The following FAT3 variants were observed in gnomAD, a reference collection of about 807,000 sequenced individuals.
FAT3 encodes protocadherin Fat 3.
In FAT3, 95 loss-of-function variants were observed where a neutral mutation model predicts 310.2. The observed-to-expected ratio is 0.31, with a 90% confidence interval of 0.26 to 0.36. The LOEUF is 0.36. Among genes scored for constraint, FAT3 ranks in the 10% least tolerant of loss-of-function variants. The pLI is 1.00. For synonymous variants in FAT3, 2,314 were observed against 2,192.9 expected, an observed-to-expected ratio of 1.06 and a Z score of -1.54; for missense variants, 5,408 against 5,715.6, an observed-to-expected ratio of 0.95 and a Z score of 1.74.
At chr11:92,304,688 C>G (rs888622787) in intron 1 of FAT3, among the ~76,000 whole-genome samples, 2 of 152,044 alleles carry the variant, frequency 1.3e-5, no homozygotes, top group Non-Finnish European at 2.9e-5. Context: ...GTTAAGAGGA[C>G]AACTTACACC....
intron 2 of FAT3, among the ~76,000 whole-genome samples, chr11:92,407,445 G>A (rs1468300378): frequency 6.6e-6 from 1 of 151,998 alleles, no homozygotes; most frequent in Admixed American, 6.6e-5. Flanking sequence ...TTTGTTGAGG[G>A]GTAACATGAA....
chr11:92,442,079 TTTTATATATA>T lies in FAT3; in HGVS notation c.3293-82553_3293-82544del, dbSNP rs1446649572. 8.5e-4 allele frequency among the ~76,000 whole-genome samples: 57 copies of T among 67,212 alleles called. 3 individuals are homozygous for T. Among genetic ancestry groups the T allele is most frequent in the African/African-American group, 3.7e-3 (52 of 14,236 alleles). The allele number at this position is 67,212 out of a possible 152,430, so 44.1% of individuals were successfully genotyped here. A position where few individuals can be genotyped will look rare whatever the true frequency, so the allele number is the denominator to read the frequency against. On this transcript the variant is annotated intron_variant, in intron 2 of 27. Transcript: ENST00000525166. ...AAGTGCAAAACTTAAGAAATATATA[TTTTATATATA>T]TATATATATATATATATATATATTT...
At chr11:92,445,204 A>G (rs1336874379) in intron 2 of FAT3, among the ~76,000 whole-genome samples, 1 of 152,208 alleles carries the variant, frequency 6.6e-6, no homozygotes, top group Admixed American at 6.5e-5. Flanking sequence ...ATGGCAGCCT[A>G]AGCAAACTAA....
At chr11:92,449,567 G>C (rs548866488) in intron 2 of FAT3, among the ~76,000 whole-genome samples, 2 of 152,280 alleles carry the variant, frequency 1.3e-5, no homozygotes, top group East Asian at 3.9e-4. Flanking sequence ...GGCCAGGAGT[G>C]CATTTAGGGA....
In FAT3 at chr11:92,353,921, C is replaced by G. The variant is rs199950146; in HGVS notation, c.1809C>G (p.Ile603Met). Residue 603 changes from isoleucine (I) to methionine (M), a missense_variant, in exon 2 of 28, where the codon ATC (isoleucine) becomes ATG (methionine). By Grantham distance (10) the Ile-to-Met change is conservative. Coordinates refer to ENST00000525166, the MANE Select transcript of FAT3 (RefSeq NM_001367949.2). Reference protein sequence around the residue: ...VGGHITAVSAIDIDELELVKY... With the variant: ...VGGHITAVSAMDIDELELVKY... ...GTCACATCACAGCAGTCTCAGCGAT[C>G]GATATCGATGAACTTGAACTTGTAA... 5.5e-4 allele frequency: 892 copies of G among 1,611,792 alleles called. No homozygotes were observed. Among genetic ancestry groups the G allele is most frequent in the Admixed American group, 1.1e-3 (66 of 59,868 alleles).
intron 4 of FAT3, among the ~76,000 whole-genome samples, chr11:92,751,317 A>G (rs1271102320): frequency 2.0e-5 from 3 of 152,186 alleles, no homozygotes; most frequent in Non-Finnish European, 2.9e-5. Context: ...AAAAGGATCC[A>G]TGAGTTAATA....
chr11:92,825,977 C>G (rs1321391767), intron 13 of FAT3, among the ~76,000 whole-genome samples: 2 of 152,124 alleles, frequency 1.3e-5, no homozygotes, highest in Non-Finnish European at 2.9e-5. Context: ...AAGTAAACCT[C>G]TAAACTACTA....
At chr11:92,421,311 G>T (rs974666748) in intron 2 of FAT3, among the ~76,000 whole-genome samples, 7 of 151,964 alleles carry the variant, frequency 4.6e-5, no homozygotes, top group Non-Finnish European at 1.5e-5. Flanking sequence ...TCTATTTTTT[G>T]ATAAGAAAAT....
chr11:92,261,610 T>G (rs1209280406), intron 1 of FAT3, among the ~76,000 whole-genome samples: 1 of 152,126 alleles, frequency 6.6e-6, no homozygotes, highest in Non-Finnish European at 1.5e-5. Context: ...ACAACAAAAT[T>G]ACAGCCACCG....
At chr11:92,575,886 A>G (rs910572052) in intron 3 of FAT3, among the ~76,000 whole-genome samples, 1 of 152,192 alleles carries the variant, frequency 6.6e-6, no homozygotes, top group Non-Finnish European at 1.5e-5. Context: ...GGAGCTTGGA[A>G]TAAAAGAAGG....
chr11:92,408,794 A>G (rs1950192294), intron 2 of FAT3, among the ~76,000 whole-genome samples: 1 of 152,202 alleles, frequency 6.6e-6, no homozygotes. Flanking sequence ...TAGAAAGCAT[A>G]TGAACTCCTA....
intron 3 of FAT3, among the ~76,000 whole-genome samples, chr11:92,694,683 C>T (rs947392506): frequency 1.3e-5 from 2 of 152,126 alleles, no homozygotes; most frequent in South Asian, 4.1e-4. Context: ...ATAGAGAGTC[C>T]CCAGGGGAAC....
rs149286242 is a variant in FAT3 at position 92,762,220 on chromosome 11, T to C, written c.3984+50T>C. 4 of 1,527,646 alleles carry C rather than the reference T, an allele frequency of 2.6e-6. No individual in the cohort carries two copies. In the East Asian group the frequency reaches 9.0e-5, roughly 34 times the overall value. 94.6% of individuals were successfully genotyped at this position (1,527,646 alleles called of 1,614,324 possible). The stretch of plus-strand genomic sequence containing the variant: ...CACAGCAGATGGGGGGAAGTGGTTA[T>C]GTTCTTATTCAAGTATACTCCTTTG... On this transcript the variant is annotated intron_variant, in intron 5 of 27. Transcript: ENST00000525166.
At chr11:92,569,056 G>A (rs907122490) in intron 3 of FAT3, among the ~76,000 whole-genome samples, 2 of 152,124 alleles carry the variant, frequency 1.3e-5, no homozygotes, top group Admixed American at 6.6e-5. Flanking sequence ...CTCCCAGTCA[G>A]CTGTCACATA....
intron 4 of FAT3, among the ~76,000 whole-genome samples, chr11:92,740,133 A>G (rs7929061): frequency 0.027 from 4,178 of 152,286 alleles, 215 homozygotes; most frequent in African/African-American, 0.095. Flanking sequence ...TCTGAGAGTA[A>G]TGTCCAAGAT....
At chr11:92,887,315 G>A (rs571160729) in intron 25 of FAT3, among the ~76,000 whole-genome samples, 3 of 152,280 alleles carry the variant, frequency 2.0e-5, no homozygotes, top group African/African-American at 7.2e-5. Flanking sequence ...CTGTGAGCAG[G>A]CCCAGAGATC....
chr11:92,258,701 A>T (rs1865413038), intron 1 of FAT3, among the ~76,000 whole-genome samples: 1 of 152,104 alleles, frequency 6.6e-6, no homozygotes, highest in African/African-American at 2.4e-5. Context: ...TCTTAACATT[A>T]TGATGAGAAC....
At chr11:92,585,726 G>A (rs1281930303) in intron 3 of FAT3, among the ~76,000 whole-genome samples, 1 of 151,950 alleles carries the variant, frequency 6.6e-6, no homozygotes, top group Non-Finnish European at 1.5e-5. Flanking sequence ...CAGCAAGTCT[G>A]ATTCCAGGTT....
chr11:92,438,769 C>G (rs1051459761), intron 2 of FAT3, among the ~76,000 whole-genome samples: 1 of 152,144 alleles, frequency 6.6e-6, no homozygotes, highest in African/African-American at 2.4e-5. Flanking sequence ...TCTAATGTTT[C>G]TATTTACAAT....
Sources: allele counts gnomAD v4.1 joint callset (sites outside exome capture counted in the v4.1 genomes callset), GRCh38; gene constraint gnomAD v4.1.1; transcripts MANE v1.5; gene names NCBI Gene and HGNC (gene_info 2026-07-23, HGNC 2026-07-21).